IGDCC3: variants seen among roughly 807,000 people sequenced by gnomAD.
IGDCC3 encodes the protein immunoglobulin superfamily DCC subclass member 3.
IGDCC3 carries 47 observed loss-of-function variants against 72.0 expected under a neutral mutation model. The ratio of observed to expected loss-of-function variants is 0.65; its 90% CI spans 0.52 to 0.83. IGDCC3 has a LOEUF of 0.83. Among genes scored for constraint, IGDCC3 ranks in the 40% least tolerant of loss-of-function variants. IGDCC3 has a pLI of 0.00. For missense variants in IGDCC3, 1,038 were observed against 1,091.3 expected, an observed-to-expected ratio of 0.95 and a Z score of 0.69; for synonymous variants, 477 against 472.8, an observed-to-expected ratio of 1.01 and a Z score of -0.11.
intron 2 of IGDCC3, among the ~76,000 whole-genome samples, chr15:65,372,143 G>A (rs1395644246): frequency 2.0e-5 from 3 of 152,178 alleles, no homozygotes; most frequent in Admixed American, 2.0e-4. Context: ...TTTCAATGAG[G>A]AGTGCGGTGC....
At chr15:65,370,620 G>GTATATGTATATA (rs2091319712) in intron 2 of IGDCC3, among the ~76,000 whole-genome samples, 1 of 94,592 alleles carries the variant, frequency 1.1e-5, no homozygotes, top group East Asian at 2.9e-4. Flanking sequence ...ATATGTATGT[G>GTATATGTATATA]TATATATATA....
rs1395831508 is a variant in IGDCC3, at chr15:65,329,799, C to A, written c.1924G>T (p.Val642Phe). 4.3e-6 allele frequency: 7 copies of A among 1,614,014 alleles called. No individual in the cohort carries two copies. The highest frequency in any genetic ancestry group is 5.9e-6 in the Non-Finnish European group (7 of 1,180,028). Residue 642 changes from valine to phenylalanine, a missense_variant, in exon 12 of 14, where the codon GTC becomes TTC. Coordinates refer to ENST00000327987, the MANE Select transcript of IGDCC3 (RefSeq NM_004884.4). The surrounding 1 kb of genome is among the most constrained non-coding windows in gnomAD (Gnocchi z 4.1). ...AANQTSTTGI[V>F]IGIHIGVTCI... The stretch of plus-strand genomic sequence containing the variant: ...GTGACCCCGATGTGGATGCCGATGA[C>A]GATGCCTGTGGTGGACGTCTGGTTG...
chr15:65,370,572 A>ATG (rs2091317503), intron 2 of IGDCC3, among the ~76,000 whole-genome samples: 1 of 115,332 alleles, frequency 8.7e-6, no homozygotes, highest in Non-Finnish European at 1.7e-5. Context: ...ATATATATGT[A>ATG]TGTATATATA....
chr15:65,349,184 T>C (rs1388119142), intron 2 of IGDCC3, among the ~76,000 whole-genome samples: 1 of 152,230 alleles, frequency 6.6e-6, no homozygotes, highest in African/African-American at 2.4e-5. Context: ...AGTTTGATAT[T>C]GGGTGCTAAG....
rs1306761245 is a variant in IGDCC3 at position 65,377,089 on chromosome 15, C to T, written c.103+597G>A. Among the ~76,000 whole-genome samples the T allele has an allele frequency of 6.6e-6, 1 of 152,170 alleles. No individual in the cohort carries two copies. Among genetic ancestry groups the T allele is most frequent in the African/African-American group, 2.4e-5 (1 of 41,444 alleles). ...CTCGCTTTCGGTGGCTTCTCCTCTC[C>T]TTCTTGGCTCACGGGCTCTGTCCCG... On this transcript the variant is annotated intron_variant, in intron 1 of 13. Transcript: ENST00000327987. This position sits in a 1 kb window ranked among gnomAD's most constrained non-coding sequence, Gnocchi z 4.9.
chr15:65,353,817 T>G (rs1159157611), intron 2 of IGDCC3, among the ~76,000 whole-genome samples: 1 of 152,166 alleles, frequency 6.6e-6, no homozygotes, highest in Non-Finnish European at 1.5e-5. Context: ...ATCCACCCCT[T>G]GTTTAGCATA....
intron 2 of IGDCC3, among the ~76,000 whole-genome samples, chr15:65,340,024 C>T (rs1445776529): frequency 6.6e-6 from 1 of 152,172 alleles, no homozygotes; most frequent in African/African-American, 2.4e-5. Flanking sequence ...AGGAATCTCC[C>T]AGCACCGCCC....
intron 2 of IGDCC3, among the ~76,000 whole-genome samples, chr15:65,346,526 G>A (rs1488575208): frequency 6.6e-6 from 1 of 151,304 alleles, no homozygotes; most frequent in Admixed American, 6.6e-5. Context: ...GCGCGATCTC[G>A]GCTCACTGCA....
At position 65,332,058 on chromosome 15, in the gene IGDCC3, C is replaced by A; in HGVS notation, c.1031G>T (p.Gly344Val). The stretch of plus-strand genomic sequence containing the variant: ...TTGGCAGGTGAACATGGCTGTGGTC[C>A]CAGCTGGCCTGGAGATGGACTGGGG... ...QHPQSISRPA[G>V]TTAMFTCQAQ... The change falls in exon 7 of 14, where the codon GGG (glycine) becomes GTG (valine). Residue 344 changes from glycine to valine, a missense_variant. Gly to Val is a moderately radical substitution (Grantham distance 109). Transcript: ENST00000327987. 1 of 1,614,116 alleles carries A rather than the reference C, an allele frequency of 6.2e-7. No individual in the cohort carries two copies. The highest frequency in any genetic ancestry group is 2.2e-5 in the East Asian group (1 of 44,878).
At chr15:65,343,187 G>C (rs756649236) in intron 2 of IGDCC3, among the ~76,000 whole-genome samples, 1 of 152,192 alleles carries the variant, frequency 6.6e-6, no homozygotes, top group African/African-American at 2.4e-5. Flanking sequence ...GCAAATACTT[G>C]CTATCTGTTC....
Position 65,335,742 on chromosome 15 carries a change from A to G in IGDCC3, c.554+70T>C, listed in dbSNP as rs2091022692. ...ACTGCAGCTCCCAGAGCCGCGGGCC[A>G]TCCTTCTCTACGGCCAGAGTCACTG... is the stretch of plus-strand genomic sequence containing the variant. On this transcript the variant is annotated intron_variant, in intron 3 of 13. Transcript: ENST00000327987. 3.2e-6 allele frequency: 5 copies of G among 1,574,320 alleles called. No individual in the cohort carries two copies. The East Asian group carries it at 9.0e-5, about 28-fold the overall frequency.
At position 65,329,273 on chromosome 15, in the gene IGDCC3, C is replaced by A. The variant is rs2090953171; in HGVS notation, c.2205+117G>T. Reference sequence around the variant, plus strand: ...TGACTCAGGGACACAAAGAGAAGACCTGCAGTTTGACTAAGGCCAATGATC... The same window carrying A: ...TGACTCAGGGACACAAAGAGAAGACATGCAGTTTGACTAAGGCCAATGATC... On this transcript the variant is annotated intron_variant, in intron 13 of 13. Transcript: ENST00000327987. The surrounding 1 kb of genome is among the most constrained non-coding windows in gnomAD (Gnocchi z 4.1). 2 of 1,484,256 alleles carry A rather than the reference C, an allele frequency of 1.3e-6. No individual in the cohort carries two copies. Among genetic ancestry groups the A allele is most frequent in the East Asian group, 2.3e-5 (1 of 43,854 alleles). The allele number at this position is 1,484,256 out of a possible 1,614,324, so 91.9% of individuals were successfully genotyped here.
In IGDCC3 at chr15:65,331,401, GC is replaced by G; in HGVS notation, c.1396+10del. 6.3e-7 allele frequency: 1 copy of G among 1,594,382 alleles called. No individual in the cohort carries two copies. The highest frequency in any genetic ancestry group is 8.6e-7 in the Non-Finnish European group (1 of 1,168,090). Reference sequence around the variant, plus strand: ...ATTAGAGGAAGGGGCAACAGAGCTGGCCACGCGCACCAGCAGCCTTCCTGAT... The same window carrying G: ...ATTAGAGGAAGGGGCAACAGAGCTGGCACGCGCACCAGCAGCCTTCCTGAT... On this transcript the variant is annotated intron_variant, in intron 8 of 13. Coordinates refer to ENST00000327987, the MANE Select transcript of IGDCC3 (RefSeq NM_004884.4).
rs184558337 is a variant in IGDCC3 at position 65,331,591 on chromosome 15, G to A, written c.1217C>T (p.Ala406Val). The change falls in exon 8 of 14, where the codon GCG becomes GTG. Residue 406 changes from alanine (A) to valine (V), a missense_variant. By Grantham distance (64) the Ala-to-Val change is moderately conservative (BLOSUM62 0). Transcript: ENST00000327987. ...CCTGGCACTGGCCTGTGATGAGCCC[G>A]CACTGTTCTCGGCCACACACTGATA... ...AIYQCVAENS[A>V]GSSQASARLT... is the part of the protein sequence containing the mutation. The A allele has an allele frequency of 5.4e-4, 873 of 1,613,538 alleles. 9 individuals are homozygous for A. The Admixed American group carries it at 8.4e-3, about 16-fold the overall frequency.
chr15:65,328,633 C>A lies in IGDCC3; in HGVS notation c.*276G>T. 2.9e-6 allele frequency: 1 copy of A among 343,994 alleles called. No individual in the cohort carries two copies. The highest frequency in any genetic ancestry group is 5.2e-6 in the Non-Finnish European group (1 of 192,814). 21.3% of individuals were successfully genotyped at this position (343,994 alleles called of 1,614,324 possible). A position where few individuals can be genotyped will look rare whatever the true frequency, so the allele number is the denominator to read the frequency against. ...TGCTTTTTAAAGAAAAATGTTAGTT[C>A]AGTTCCAAGTCATGTGGGTACCAGG... On this transcript the variant is annotated 3_prime_UTR_variant, in exon 14 of 14. Transcript: ENST00000327987.
chr15:65,334,618 G>T, intron 5 of IGDCC3, 110 bp downstream of exon 5: 1 of 1,031,806 alleles, frequency 9.7e-7, no homozygotes, highest in Non-Finnish European at 1.4e-6. Context: ...CCCCCACAGA[G>T]AACAAACAGG....
At position 65,330,729 on chromosome 15, in the gene IGDCC3, G is replaced by A. The variant is rs1162995532; in HGVS notation, c.1574C>T (p.Pro525Leu). 6.2e-7 allele frequency: 1 copy of A among 1,606,918 alleles called. No individual in the cohort carries two copies. Among genetic ancestry groups the A allele is most frequent in the Non-Finnish European group, 8.5e-7 (1 of 1,176,206 alleles). The change falls in exon 10 of 14, where the codon CCC becomes CTC. Residue 525 changes from proline to leucine, a missense_variant. Physicochemically the swap from Pro to Leu is moderately conservative, Grantham distance 98. Transcript: ENST00000327987. ...ASTLGEAPAP[P>L]PLSVRVLGSS... ...GCCCAGGACTCGCACTGACAGTGGG[G>A]GTGGGGCAGGGGCTGCAGGTAGAGA...
At chr15:65,368,149 CTCTCTT>C (rs1169221753) in intron 2 of IGDCC3, among the ~76,000 whole-genome samples, 6 of 102,726 alleles carry the variant, frequency 5.8e-5, no homozygotes, top group Non-Finnish European at 1.0e-4. Flanking sequence ...GGAAAACTCT[CTCTCTT>C]TCACTCACAC....
In IGDCC3 at chr15:65,335,959, G is replaced by C; in HGVS notation, c.410-3C>G. On this transcript the variant is annotated splice_region_variant and splice_polypyrimidine_tract_variant and intron_variant, in intron 2 of 13. Coordinates refer to ENST00000327987, the MANE Select transcript of IGDCC3 (RefSeq NM_004884.4). ...ATGCACGTGGAAGTCCGACATGGCT[G>C]GGGGAAGAGAAGTGTATGAGTGCAG... The C allele has an allele frequency of 6.2e-7, 1 of 1,614,050 alleles. No homozygotes were observed. The highest frequency in any genetic ancestry group is 8.5e-7 in the Non-Finnish European group (1 of 1,179,952).
Sources: allele counts gnomAD v4.1 joint callset (sites outside exome capture counted in the v4.1 genomes callset), GRCh38; gene constraint gnomAD v4.1.1; non-coding constraint Gnocchi (gnomAD v3.1); transcripts MANE v1.5; gene names NCBI Gene and HGNC (gene_info 2026-07-23, HGNC 2026-07-21).